Variants in AK9 observed in about 807,000 individuals in gnomAD.
AK9 encodes adenylate kinase 9.
In AK9, 191 loss-of-function variants were observed where a neutral mutation model predicts 239.6. The observed-to-expected ratio is 0.80, with a 90% CI of 0.71 to 0.90. The LOEUF (loss-of-function observed/expected upper bound fraction) is 0.90. AK9 is among the 40% of genes least tolerant of loss of function. AK9 has a pLI of 0.00. For synonymous variants in AK9, 689 were observed against 721.0 expected (o/e 0.96, Z 0.71); for missense variants, 1,995 against 2,214.7 (o/e 0.90, Z 1.99).
chr6:109,603,037 G>A (rs916089498), intron 17 of AK9, among the ~76,000 whole-genome samples: 1 of 152,182 alleles, frequency 6.6e-6, no homozygotes, highest in Non-Finnish European at 1.5e-5. Flanking sequence ...TTAGCTCAGA[G>A]AAGTTTGATT....
intron 33 of AK9, among the ~76,000 whole-genome samples, chr6:109,508,590 G>C (rs1778355911): frequency 6.6e-6 from 1 of 152,164 alleles, no homozygotes; most frequent in African/African-American, 2.4e-5. Context: ...TAAATCAGGG[G>C]GGTTCTAGGT....
chr6:109,593,235 C>T (rs1178396821), intron 17 of AK9, among the ~76,000 whole-genome samples: 1 of 151,964 alleles, frequency 6.6e-6, no homozygotes, highest in Non-Finnish European at 1.5e-5. Flanking sequence ...CTTTCATATC[C>T]TAAATTGTTT....
intron 27 of AK9, among the ~76,000 whole-genome samples, chr6:109,539,884 C>T (rs1782613336): frequency 1.3e-5 from 2 of 152,132 alleles, no homozygotes; most frequent in African/African-American, 2.4e-5. Flanking sequence ...ATCCTGTTTG[C>T]CTGGGTATCA....
chr6:109,509,152 T>A, intron 33 of AK9, 27 bp downstream of exon 33: 1 of 1,545,692 alleles, frequency 6.5e-7, no homozygotes, highest in Non-Finnish European at 8.8e-7. Flanking sequence ...ACTCCCTCTG[T>A]CCCATCCTCT....
At chr6:109,598,584 C>T (rs1478885138) in intron 17 of AK9, among the ~76,000 whole-genome samples, 4 of 152,236 alleles carry the variant, frequency 2.6e-5, no homozygotes, top group African/African-American at 4.8e-5. Context: ...TCTGGGTATA[C>T]ACCCAGTAAT....
intron 36 of AK9, 77 bp from the exon 37 acceptor site, chr6:109,498,042 C>T: frequency 7.2e-7 from 1 of 1,394,398 alleles, no homozygotes; most frequent in Non-Finnish European, 1.0e-6. Context: ...CCGAGGCTCT[C>T]CTGCACCCTC....
At chr6:109,587,439 A>AG (rs1789652686) in intron 17 of AK9, among the ~76,000 whole-genome samples, 1 of 152,168 alleles carries the variant, frequency 6.6e-6, no homozygotes, top group African/African-American at 2.4e-5. Context: ...TGGTGAAGTC[A>AG]GGGCTTTCAG....
chr6:109,509,065 G>T, intron 33 of AK9, 114 bp downstream of exon 33: 1 of 1,107,966 alleles, frequency 9.0e-7, no homozygotes, highest in South Asian at 1.7e-5. Context: ...GAGAGAAGTA[G>T]ATCACACCCT....
intron 25 of AK9, among the ~76,000 whole-genome samples, chr6:109,548,159 T>C (rs2128159626): frequency 6.6e-6 from 1 of 152,272 alleles, no homozygotes; most frequent in Middle Eastern, 3.4e-3. Flanking sequence ...TGGAATTTTC[T>C]CAAAAATCTA....
chr6:109,516,394 C>T, intron 30 of AK9, 36 bp downstream of exon 30: 1 of 1,511,828 alleles, frequency 6.6e-7, no homozygotes, highest in Non-Finnish European at 9.0e-7. Flanking sequence ...TCAAATATTA[C>T]TTTTGAATTA....
chr6:109,630,992 T>A (rs1796040481), intron 12 of AK9, among the ~76,000 whole-genome samples: 1 of 152,294 alleles, frequency 6.6e-6, no homozygotes, highest in East Asian at 1.9e-4. Context: ...AATATCTATA[T>A]GGGAAAAAGT....
In AK9 at chr6:109,548,059, T is replaced by C. The variant is rs180843157; in HGVS notation, c.2965-1932A>G. On this transcript the variant is annotated intron_variant, in intron 25 of 40. Coordinates refer to ENST00000424296, the MANE Select transcript of AK9 (RefSeq NM_001145128.3). ...GCTATTATCAAAAAGACAAAAAAAATAGCAAATACTGATGAGGATGTGAAG... is the reference window on the plus strand; with the variant it reads ...GCTATTATCAAAAAGACAAAAAAAACAGCAAATACTGATGAGGATGTGAAG... 4.6e-5 allele frequency among the ~76,000 whole-genome samples: 7 copies of C among 151,746 alleles called. No homozygotes were observed. The East Asian group carries it at 7.8e-4, about 17-fold the overall frequency.
Position 109,585,140 on chromosome 6 carries a change from T to TTC in AK9, c.2096_2097insGA (p.Glu700LysfsTer14). 1 of 1,130,136 alleles carries TTC rather than the reference T, an allele frequency of 8.8e-7. No individual in the cohort carries two copies. Among genetic ancestry groups the TTC allele is most frequent in the Non-Finnish European group, 1.1e-6 (1 of 882,922 alleles). The allele number at this position is 1,130,136 out of a possible 1,614,324, so 70.0% of individuals were successfully genotyped here. On this transcript the variant is annotated frameshift_variant, in exon 19 of 41. Transcript: ENST00000424296. LOFTEE classifies it high-confidence loss of function. The stretch of plus-strand genomic sequence containing the variant: ...GATTTTACCTTGCTTCTTCTTCTTC[T>TTC]TTTTTTTTCTTTTGTAGTTCTTCTA...
chr6:109,504,091 C>A (rs77680337), intron 35 of AK9, among the ~76,000 whole-genome samples: 1 of 152,174 alleles, frequency 6.6e-6, no homozygotes, highest in Admixed American at 6.5e-5. Flanking sequence ...CAGTGGCTCA[C>A]GCCTATAAAC....
chr6:109,542,711 A>T (rs1158621204), intron 26 of AK9, among the ~76,000 whole-genome samples: 1 of 152,198 alleles, frequency 6.6e-6, no homozygotes, highest in African/African-American at 2.4e-5. Context: ...TTGCTTATAA[A>T]CATTTAAAAA....
intron 29 of AK9, 89 bp downstream of exon 29, chr6:109,528,922 G>A (rs779843375): frequency 6.4e-7 from 1 of 1,555,676 alleles, no homozygotes; most frequent in Admixed American, 1.8e-5. Context: ...AGGAGTTCGA[G>A]GTTGCAGTGA....
rs1219350561 is a variant in AK9 at position 109,610,396 on chromosome 6, T to C, written c.1811A>G (p.His604Arg). ...AAGGACTTCCTGTAAGATTTCAGCA[T>C]GTTTTTCATATGGCTGTTCAAAGTT... Reference protein sequence around the residue: ...DINFEQPYEKHAEILQEVLGE... With the variant: ...DINFEQPYEKRAEILQEVLGE... Residue 604 changes from histidine (H) to arginine (R), a missense_variant, in exon 17 of 41, where the codon CAT (histidine) becomes CGT (arginine). Coordinates refer to ENST00000424296, the MANE Select transcript of AK9 (RefSeq NM_001145128.3). The C allele has an allele frequency of 6.4e-7, 1 of 1,551,744 alleles. No homozygotes were observed. Among genetic ancestry groups the C allele is most frequent in the Admixed American group, 2.0e-5 (1 of 51,008 alleles).
chr6:109,678,442 T>C (rs1269423095), intron 1 of AK9, among the ~76,000 whole-genome samples: 1 of 152,216 alleles, frequency 6.6e-6, no homozygotes, highest in African/African-American at 2.4e-5. Flanking sequence ...GGTATGACTA[T>C]ATATGGGCAA....
chr6:109,585,309 T>G, intron 18 of AK9, 72 bp from the exon 19 acceptor site: 1 of 539,754 alleles, frequency 1.9e-6, no homozygotes, highest in Non-Finnish European at 2.5e-6. Flanking sequence ...TTTTGAAGAT[T>G]AACACAAACA....
Sources: allele counts gnomAD v4.1 joint callset (sites outside exome capture counted in the v4.1 genomes callset), GRCh38; gene constraint gnomAD v4.1.1; transcripts MANE v1.5; gene names NCBI Gene and HGNC (gene_info 2026-07-23, HGNC 2026-07-21).